The following MMP16 variants were observed in gnomAD, a reference collection of about 807,000 sequenced individuals.
MMP16 encodes matrix metalloproteinase-16.
In MMP16, 12 loss-of-function variants were observed where a neutral mutation model predicts 67.8. That is an observed-to-expected ratio of 0.18 (90% confidence interval 0.11 to 0.29). The LOEUF is 0.29. MMP16 is among the 10% of genes least tolerant of loss of function. The pLI, the probability that MMP16 is intolerant of heterozygous loss-of-function variation, is 1.00. For missense variants in MMP16, 475 were observed against 765.7 expected, an observed-to-expected ratio of 0.62 and a Z score of 4.48; for synonymous variants, 249 against 255.9, an observed-to-expected ratio of 0.97 and a Z score of 0.26.
At position 88,132,925 on chromosome 8, in the gene MMP16, A is replaced by G. The variant is rs1038117654; in HGVS notation, c.710-14064T>C. Among the ~76,000 whole-genome samples, 4 of 151,872 alleles carry G rather than the reference A, an allele frequency of 2.6e-5. No homozygotes were observed. In the East Asian group the frequency reaches 7.8e-4, roughly 30 times the overall value. ...ACTCATTGTAATATGTATGCAAGGG[A>G]AAGTCTTCCATCTAAGTTTTTCCTA... is the stretch of plus-strand genomic sequence containing the variant. On this transcript the variant is annotated intron_variant, in intron 4 of 9. Coordinates refer to ENST00000286614, the MANE Select transcript of MMP16 (RefSeq NM_005941.5).
At chr8:88,322,336 G>A (rs1006908837) in intron 1 of MMP16, among the ~76,000 whole-genome samples, 1 of 152,012 alleles carries the variant, frequency 6.6e-6, no homozygotes, top group Non-Finnish European at 1.5e-5. Flanking sequence ...GAACTAAACT[G>A]TCTAAGAAAA....
chr8:88,149,287 G>A (rs1381576399), intron 4 of MMP16, among the ~76,000 whole-genome samples: 1 of 152,226 alleles, frequency 6.6e-6, no homozygotes, highest in African/African-American at 2.4e-5. Flanking sequence ...CTGGGTGAGG[G>A]GCGCCCGCCA....
At chr8:88,266,094 T>A (rs537798896) in intron 1 of MMP16, among the ~76,000 whole-genome samples, 1 of 152,246 alleles carries the variant, frequency 6.6e-6, no homozygotes. Context: ...CCAAACATCA[T>A]ATGGCCTTTA....
At chr8:88,131,918 C>G (rs191708817) in intron 4 of MMP16, among the ~76,000 whole-genome samples, 1 of 151,862 alleles carries the variant, frequency 6.6e-6, no homozygotes, top group Non-Finnish European at 1.5e-5. Context: ...AAGGTTAACA[C>G]ATGAGAATTG....
chr8:88,156,282 C>T (rs538223924), intron 4 of MMP16, among the ~76,000 whole-genome samples: 7 of 152,118 alleles, frequency 4.6e-5, no homozygotes, highest in South Asian at 4.1e-4. Flanking sequence ...TCCCATTGCT[C>T]AGGACACATG....
intron 4 of MMP16, among the ~76,000 whole-genome samples, chr8:88,147,696 T>C (rs1288294333): frequency 2.6e-5 from 4 of 151,758 alleles, no homozygotes; most frequent in Non-Finnish European, 4.4e-5. Context: ...TCCTGTGAAA[T>C]TGTACCTAAT....
intron 1 of MMP16, among the ~76,000 whole-genome samples, chr8:88,224,742 T>A (rs1051010412): frequency 6.6e-6 from 1 of 151,928 alleles, no homozygotes; most frequent in Admixed American, 6.6e-5. Context: ...AAAAAAGGAT[T>A]TCATAGTCAA....
At chr8:88,107,802 A>G (rs1175262798) in intron 6 of MMP16, among the ~76,000 whole-genome samples, 1 of 151,180 alleles carries the variant, frequency 6.6e-6, no homozygotes, top group Non-Finnish European at 1.5e-5. Context: ...GCATTTAACA[A>G]AAAACATAAA....
intron 9 of MMP16, among the ~76,000 whole-genome samples, chr8:88,042,293 C>T (rs1214457352): frequency 2.6e-5 from 4 of 152,146 alleles, no homozygotes; most frequent in African/African-American, 9.7e-5. Flanking sequence ...AATTTCTAAT[C>T]ATCTTAGTAT....
chr8:88,204,975 C>A (rs1441840151), intron 1 of MMP16, among the ~76,000 whole-genome samples: 2 of 152,144 alleles, frequency 1.3e-5, no homozygotes, highest in East Asian at 3.9e-4. Context: ...TCAAACTATT[C>A]CCTTGCTGCT....
intron 7 of MMP16, among the ~76,000 whole-genome samples, chr8:88,060,789 T>G (rs1808388592): frequency 6.6e-6 from 1 of 152,052 alleles, no homozygotes; most frequent in East Asian, 1.9e-4. Context: ...TAGCACCTCA[T>G]GTATAGTGTT....
rs140359387 is a variant in MMP16, at chr8:88,117,873, A to G, written c.871+827T>C. ...ACAGATAGCACACATTTGTCTTTGT[A>G]TCATAAAAACAAAAGCTTCACTTCA... is the stretch of plus-strand genomic sequence containing the variant. On this transcript the variant is annotated intron_variant, in intron 5 of 9. Coordinates refer to ENST00000286614, the MANE Select transcript of MMP16 (RefSeq NM_005941.5). Among the ~76,000 whole-genome samples the G allele has an allele frequency of 4.4e-4, 67 of 152,208 alleles. 3 individuals are homozygous for G. The East Asian group carries it at 0.013, about 29-fold the overall frequency.
intron 3 of MMP16, among the ~76,000 whole-genome samples, chr8:88,181,979 AC>A: frequency 6.6e-6 from 1 of 152,220 alleles, no homozygotes; most frequent in Non-Finnish European, 1.5e-5. Context: ...CTAGACACAG[AC>A]TTTATACACT....
At chr8:88,126,379 C>T (rs1213747827) in intron 4 of MMP16, among the ~76,000 whole-genome samples, 18 of 151,794 alleles carry the variant, frequency 1.2e-4, no homozygotes, top group Non-Finnish European at 2.9e-5. Flanking sequence ...AATGCATTAG[C>T]AAAGTATTGA....
intron 6 of MMP16, among the ~76,000 whole-genome samples, chr8:88,082,066 G>A (rs1033636725): frequency 2.6e-5 from 4 of 151,986 alleles, no homozygotes; most frequent in African/African-American, 9.7e-5. Flanking sequence ...TTAATCTAAT[G>A]TATAAAGAAC....
At chr8:88,204,251 G>A (rs11996222) in intron 1 of MMP16, among the ~76,000 whole-genome samples, 10,472 of 152,164 alleles carry the variant, frequency 0.069, 398 homozygotes, top group African/African-American at 0.098. Context: ...CAGAGAAAAT[G>A]GTAATTTACC....
chr8:88,087,027 T>C (rs1808845408), intron 6 of MMP16, among the ~76,000 whole-genome samples: 1 of 151,846 alleles, frequency 6.6e-6, no homozygotes, highest in Admixed American at 6.6e-5. Context: ...TTAGGAAAAC[T>C]TGGTCAATAT....
chr8:88,268,091 C>T (rs924601318), intron 1 of MMP16, among the ~76,000 whole-genome samples: 8 of 152,142 alleles, frequency 5.3e-5, no homozygotes, highest in African/African-American at 1.9e-4. Context: ...GCCTGTAATC[C>T]CAGCATTTTG....
At chr8:88,160,497 G>A (rs1808600121) in intron 4 of MMP16, among the ~76,000 whole-genome samples, 1 of 152,030 alleles carries the variant, frequency 6.6e-6, no homozygotes, top group African/African-American at 2.4e-5. Context: ...CCTCTCAAAA[G>A]AAGACATTTA....
Sources: allele counts gnomAD v4.1 joint callset (sites outside exome capture counted in the v4.1 genomes callset), GRCh38; gene constraint gnomAD v4.1.1; transcripts MANE v1.5; gene names NCBI Gene and HGNC (gene_info 2026-07-23, HGNC 2026-07-21).